ADGRL2: variants seen among roughly 807,000 people sequenced by gnomAD.
The protein encoded by ADGRL2 is adhesion G protein-coupled receptor L2, also known as calcium-independent alpha-latrotoxin receptor 2.
A neutral mutation model predicts 157.4 loss-of-function variants in ADGRL2; 44 were observed. The observed-to-expected ratio is 0.28, with a 90% CI of 0.22 to 0.36. The LOEUF (loss-of-function observed/expected upper bound fraction) is 0.36. ADGRL2 is among the 10% of genes least tolerant of loss of function. The probability of loss-of-function intolerance (pLI) is 1.00; values close to 1 mark genes in which losing one functional copy is unlikely to be tolerated. For synonymous variants in ADGRL2, 585 were observed against 624.7 expected, an observed-to-expected ratio of 0.94 and a Z score of 0.95; for missense variants, 1,510 against 1,768.9, an observed-to-expected ratio of 0.85 and a Z score of 2.63.
At chr1:81,324,472 G>T (rs1343049685) in intron 1 of ADGRL2, among the ~76,000 whole-genome samples, 1 of 148,964 alleles carries the variant, frequency 6.7e-6, no homozygotes, top group East Asian at 2.0e-4. Flanking sequence ...TTGCGCTACT[G>T]AACTCTAGCC....
At chr1:81,490,103 T>C (rs1009219863) in intron 2 of ADGRL2, among the ~76,000 whole-genome samples, 4 of 151,798 alleles carry the variant, frequency 2.6e-5, no homozygotes, top group Non-Finnish European at 5.9e-5. Flanking sequence ...TTTTGTTTTC[T>C]ACATGATTTG....
At chr1:81,567,579 A>G (rs1488380866) in intron 2 of ADGRL2, among the ~76,000 whole-genome samples, 1 of 152,168 alleles carries the variant, frequency 6.6e-6, no homozygotes, top group Non-Finnish European at 1.5e-5. Context: ...TTATTAAGCC[A>G]TGAAAGTTAC....
chr1:81,395,136 C>G (rs944166165), intron 1 of ADGRL2, among the ~76,000 whole-genome samples: 1 of 152,084 alleles, frequency 6.6e-6, no homozygotes, highest in Non-Finnish European at 1.5e-5. Context: ...GTTTTGAACT[C>G]CTGGCCTCAA....
chr1:81,787,840 C>T (rs984285243), intron 2 of ADGRL2, among the ~76,000 whole-genome samples: 2 of 152,078 alleles, frequency 1.3e-5, no homozygotes, highest in Non-Finnish European at 2.9e-5. Context: ...TGAGGTAATA[C>T]ATATACAACC....
chr1:81,654,049 A>G (rs1217455154), intron 3 of ADGRL2, among the ~76,000 whole-genome samples: 1 of 152,008 alleles, frequency 6.6e-6, no homozygotes, highest in Non-Finnish European at 1.5e-5. Context: ...AGGTTCAAGC[A>G]ATTCTCCTGC....
chr1:81,356,825 A>C (rs112597439), intron 1 of ADGRL2, among the ~76,000 whole-genome samples: 1,879 of 151,486 alleles, frequency 0.012, 37 homozygotes, highest in African/African-American at 0.043. Context: ...TGGTGGTGGG[A>C]GCCTGTAGTC....
At chr1:81,474,589 G>T (rs557200530) in intron 2 of ADGRL2, among the ~76,000 whole-genome samples, 1 of 152,308 alleles carries the variant, frequency 6.6e-6, no homozygotes, top group South Asian at 2.1e-4. Context: ...GGGAGGGATT[G>T]CTGGTCAGTT....
At chr1:81,589,110 A>T (rs2081082565) in intron 3 of ADGRL2, among the ~76,000 whole-genome samples, 2 of 152,144 alleles carry the variant, frequency 1.3e-5, no homozygotes, top group Non-Finnish European at 2.9e-5. Flanking sequence ...TGCACACTAT[A>T]CTCCAAAAGA....
Position 81,907,360 on chromosome 1 carries a change from C to T in ADGRL2, c.287+130C>T, listed in dbSNP as rs577462706. ...TTTATTAAACTGAGTTGGGTTTTTA[C>T]CTACTAATGTTGATATCTACACTTT... On this transcript the variant is annotated intron_variant, in intron 3 of 23. Coordinates refer to ENST00000686636, the MANE Select transcript of ADGRL2 (RefSeq NM_001366006.2). 8.4e-4 allele frequency: 557 copies of T among 666,096 alleles called. 4 individuals carry two copies. The highest frequency in any genetic ancestry group is 7.0e-3 in the Middle Eastern group (22 of 3,146). The allele number at this position is 666,096 out of a possible 1,614,324, so 41.3% of individuals were successfully genotyped here. A position where few individuals can be genotyped will look rare whatever the true frequency, so the allele number is the denominator to read the frequency against.
At chr1:81,947,922 C>G (rs1034286998) in intron 6 of ADGRL2, among the ~76,000 whole-genome samples, 2 of 151,864 alleles carry the variant, frequency 1.3e-5, no homozygotes, top group African/African-American at 4.8e-5. Context: ...TTTTGGTGAT[C>G]AAAAGGTAAA....
intron 3 of ADGRL2, among the ~76,000 whole-genome samples, chr1:81,918,810 A>C (rs1472764981): frequency 6.6e-6 from 1 of 151,444 alleles, no homozygotes; most frequent in East Asian, 1.9e-4. Flanking sequence ...ATATCAGGCA[A>C]TTAATTAAAA....
chr1:81,613,619 C>T (rs781509534), intron 3 of ADGRL2, among the ~76,000 whole-genome samples: 5 of 152,010 alleles, frequency 3.3e-5, no homozygotes, highest in Admixed American at 6.6e-5. Context: ...TCTCCTACTG[C>T]GGGACTAAGA....
intron 11 of ADGRL2, among the ~76,000 whole-genome samples, chr1:81,957,618 G>A (rs1276127439): frequency 6.6e-6 from 1 of 152,112 alleles, no homozygotes; most frequent in Non-Finnish European, 1.5e-5. Context: ...TGAGGCGGGA[G>A]GATCACCTGA....
At chr1:81,626,010 T>C (rs1412839864) in intron 3 of ADGRL2, among the ~76,000 whole-genome samples, 4 of 152,186 alleles carry the variant, frequency 2.6e-5, no homozygotes, top group Non-Finnish European at 5.9e-5. Context: ...AGCTATATTT[T>C]TCCTCCGCGA....
intron 1 of ADGRL2, among the ~76,000 whole-genome samples, chr1:81,721,254 T>C (rs9659032): frequency 0.83 from 125,888 of 152,050 alleles, 52,644 homozygotes; most frequent in Non-Finnish European, 0.87. Context: ...CTCTGAATTA[T>C]AATCAAAATT....
chr1:81,517,059 A>G (rs2079194599), intron 2 of ADGRL2, among the ~76,000 whole-genome samples: 1 of 152,150 alleles, frequency 6.6e-6, no homozygotes, highest in Non-Finnish European at 1.5e-5. Context: ...ATTGATTAAG[A>G]ATCATATTCT....
chr1:81,950,840 A>G (rs1651544983), intron 7 of ADGRL2, among the ~76,000 whole-genome samples, 178 bp from the exon 8 acceptor site: 1 of 152,156 alleles, frequency 6.6e-6, no homozygotes, highest in East Asian at 1.9e-4. Flanking sequence ...TTCTATGCTG[A>G]CTTCATATTT....
chr1:81,916,511 CAT>C (rs1572105607), intron 3 of ADGRL2, among the ~76,000 whole-genome samples: 1 of 151,730 alleles, frequency 6.6e-6, no homozygotes, highest in East Asian at 1.9e-4. Flanking sequence ...CACCAAAATT[CAT>C]AGACAAATGC....
intron 1 of ADGRL2, among the ~76,000 whole-genome samples, chr1:81,319,627 G>T (rs1430027749): frequency 6.6e-6 from 1 of 152,140 alleles, no homozygotes; most frequent in African/African-American, 2.4e-5. Context: ...TGTTTCTAGT[G>T]AATGGTTCTA....
Sources: allele counts gnomAD v4.1 joint callset (sites outside exome capture counted in the v4.1 genomes callset), GRCh38; gene constraint gnomAD v4.1.1; transcripts MANE v1.5; gene names NCBI Gene and HGNC (gene_info 2026-07-23, HGNC 2026-07-21).